PROSER1: variants seen among roughly 807,000 people sequenced by gnomAD.
The protein encoded by PROSER1 is proline and serine rich 1, also known as proline and serine-rich protein 1.
A neutral mutation model predicts 71.8 loss-of-function variants in PROSER1; 36 were observed. That is an observed-to-expected ratio of 0.50 (90% CI 0.38 to 0.66). The LOEUF (loss-of-function observed/expected upper bound fraction) is 0.66. PROSER1 is among the 30% of genes least tolerant of loss of function. The pLI, the probability that PROSER1 is intolerant of heterozygous loss-of-function variation, is 0.00. For synonymous variants in PROSER1, 490 were observed against 452.4 expected, an observed-to-expected ratio of 1.08 and a Z score of -1.06; for missense variants, 1,107 against 1,135.0, an observed-to-expected ratio of 0.98 and a Z score of 0.35.
chr13:39,032,652 A>T (rs533120915), intron 2 of PROSER1, among the ~76,000 whole-genome samples: 1 of 152,308 alleles, frequency 6.6e-6, no homozygotes, highest in South Asian at 2.1e-4. Flanking sequence ...AGTTAATTTG[A>T]TAAACGTCTA....
In PROSER1 at chr13:39,013,962, T is replaced by C; in HGVS notation, c.1290A>G (p.Ala430=). 6.2e-7 allele frequency: 1 copy of C among 1,614,104 alleles called. No individual in the cohort carries two copies. Among genetic ancestry groups the C allele is most frequent in the Non-Finnish European group, 8.5e-7 (1 of 1,180,010 alleles). The change falls in exon 11 of 13, where the codon GCA becomes GCG. Residue 430 remains alanine (A), a synonymous_variant. Transcript: ENST00000352251. ...TTGGTGGTAAGGGCAAAGGGAGCCC[T>C]GCAAAAACTGATGACAATGAAGCAG... ...PNSASLSSVF[A]GLPLPLPPTS...
At position 39,011,101 on chromosome 13, in the gene PROSER1, T is replaced by C. The variant is rs1869622557; in HGVS notation, c.*264A>G. The C allele has an allele frequency of 8.0e-6, 3 of 376,674 alleles. No individual in the cohort carries two copies. The highest frequency in any genetic ancestry group is 6.3e-5 in the African/African-American group (3 of 47,482). 23.3% of individuals were successfully genotyped at this position (376,674 alleles called of 1,614,324 possible). A position where few individuals can be genotyped will look rare whatever the true frequency, so the allele number is the denominator to read the frequency against. ...TTTCTATGTAGATCACATACACAAT[T>C]CAAAATTTTATAGGACAGGTGAAAA... On this transcript the variant is annotated 3_prime_UTR_variant, in exon 13 of 13. Coordinates refer to ENST00000352251, the MANE Select transcript of PROSER1 (RefSeq NM_025138.5).
rs1593524717 is a variant in PROSER1, at chr13:39,013,005, T to C, written c.2247A>G (p.Ser749=). 6.2e-7 allele frequency: 1 copy of C among 1,613,934 alleles called. No individual in the cohort carries two copies. Among genetic ancestry groups the C allele is most frequent in the African/African-American group, 1.3e-5 (1 of 74,894 alleles). ...PHPSSTAAVL[S]GLSASAPVSA... Reference sequence around the variant, plus strand: ...AGACTGGTGCTGAAGCAGAAAGCCCTGAGAGAACAGCTGCCGTTGAGCTAG... The same window carrying C: ...AGACTGGTGCTGAAGCAGAAAGCCCCGAGAGAACAGCTGCCGTTGAGCTAG... Residue 749 remains serine, a synonymous_variant, in exon 11 of 13, where the codon TCA becomes TCG. Transcript: ENST00000352251.
At chr13:39,020,347 A>G (rs1025534694) in intron 9 of PROSER1, among the ~76,000 whole-genome samples, 7 of 152,172 alleles carry the variant, frequency 4.6e-5, no homozygotes, top group African/African-American at 1.7e-4. Context: ...TTCTGAAATT[A>G]CTATATAGCT....
rs536506953 is a variant in PROSER1 at position 39,014,121 on chromosome 13, T to TGCGGTAGGAGTG, written c.1119_1130dup (p.Thr374_Ala377dup). On this transcript the variant is annotated inframe_insertion, in exon 11 of 13. Transcript: ENST00000352251. ...GTGTAGGTCCTGGGGTAGGAGTGGC[T>TGCGGTAGGAGTG]GCGGTAGGAGTGGCAGAAGGACCTG... The TGCGGTAGGAGTG allele has an allele frequency of 3.3e-4, 534 of 1,613,014 alleles. 4 individuals carry two copies. The East Asian group carries it at 0.011, about 32-fold the overall frequency.
chr13:39,028,310 CAAT>C lies in PROSER1; in HGVS notation c.283_285del (p.Ile95del). On this transcript the variant is annotated inframe_deletion, in exon 5 of 13. Transcript: ENST00000352251. ...TCAATAGGACGAGAATTCTGTGCAT[CAAT>C]AATGTTCCTACCAAGAAAACACAAT... 1.3e-6 allele frequency: 2 copies of C among 1,582,634 alleles called. No homozygotes were observed. The highest frequency in any genetic ancestry group is 1.7e-6 in the Non-Finnish European group (2 of 1,152,864).
intron 10 of PROSER1, among the ~76,000 whole-genome samples, chr13:39,016,329 C>T (rs1461611302): frequency 6.6e-6 from 1 of 152,170 alleles, no homozygotes; most frequent in African/African-American, 2.4e-5. Context: ...CCTCATTTGA[C>T]AGATGGGCAA....
Position 39,029,554 on chromosome 13 carries a change from C to T in PROSER1, c.181-179G>A, listed in dbSNP as rs1870733451. ...TAACAATAAATGAATTATGCTCTAT[C>T]AACGTAACCATTTCAGTTGAAGATC... On this transcript the variant is annotated intron_variant, in intron 3 of 12. Coordinates refer to ENST00000352251, the MANE Select transcript of PROSER1 (RefSeq NM_025138.5). Among the ~76,000 whole-genome samples the T allele has an allele frequency of 2.6e-5, 4 of 152,074 alleles. No individual in the cohort carries two copies. The South Asian group carries it at 8.3e-4, about 32-fold the overall frequency.
intron 1 of PROSER1, 73 bp from the exon 2 acceptor site, chr13:39,034,269 T>C: frequency 1.6e-6 from 2 of 1,249,998 alleles, no homozygotes; most frequent in African/African-American, 1.6e-5. Context: ...AATATACATC[T>C]ATCAAAACTG....
intron 1 of PROSER1, 104 bp downstream of exon 1, chr13:39,037,094 A>C: frequency 3.6e-6 from 3 of 844,466 alleles, no homozygotes; most frequent in Non-Finnish European, 6.0e-6. Context: ...CAATTTGGCA[A>C]TCCTAGGACC....
intron 2 of PROSER1, among the ~76,000 whole-genome samples, chr13:39,032,167 A>G (rs1870876710): frequency 6.6e-6 from 1 of 152,084 alleles, no homozygotes; most frequent in African/African-American, 2.4e-5. Flanking sequence ...CACTAACTTT[A>G]GTCCTAGTAG....
intron 9 of PROSER1, among the ~76,000 whole-genome samples, chr13:39,018,203 C>T (rs1044359046): frequency 7.2e-5 from 11 of 152,186 alleles, no homozygotes; most frequent in African/African-American, 2.4e-4. Flanking sequence ...CAACCCAAAG[C>T]ACACTCCTCA....
At chr13:39,019,916 A>G (rs1870207942) in intron 9 of PROSER1, among the ~76,000 whole-genome samples, 1 of 152,038 alleles carries the variant, frequency 6.6e-6, no homozygotes, top group South Asian at 2.1e-4. Context: ...TAGGGGAAAA[A>G]AGTTTAAAAT....
intron 5 of PROSER1, among the ~76,000 whole-genome samples, chr13:39,027,600 T>C (rs1870607384): frequency 6.6e-6 from 1 of 152,186 alleles, no homozygotes; most frequent in African/African-American, 2.4e-5. Context: ...TCTACAACAA[T>C]GTATGACTAA....
In PROSER1 at chr13:39,014,085, A is replaced by G; in HGVS notation, c.1167T>C (p.Thr389=). The G allele has an allele frequency of 6.2e-7, 1 of 1,614,194 alleles. No homozygotes were observed. The highest frequency in any genetic ancestry group is 8.5e-7 in the Non-Finnish European group (1 of 1,180,032). The change falls in exon 11 of 13, where the codon ACT becomes ACC. Residue 389 remains threonine, a synonymous_variant. Transcript: ENST00000352251. ...AAGCAAATGCTTCACTGGAACCAAG[A>G]GTGGACCGTGGTGTAGGTCCTGGGG... ...TPTPGPTPRS[T]LGSSEAFAST...
At chr13:39,029,220 TA>T in intron 4 of PROSER1, 60 bp downstream of exon 4, 1 of 963,940 alleles carries the variant, frequency 1.0e-6, no homozygotes, top group South Asian at 1.6e-5. Context: ...ATTAGACACT[TA>T]AAACGCTTCT....
intron 4 of PROSER1, 29 bp downstream of exon 4, chr13:39,029,252 A>T (rs563030499): frequency 0.083 from 83,434 of 1,002,914 alleles, 2,293 homozygotes; most frequent in African/African-American, 0.21. Context: ...CCAAGTAAAA[A>T]AAAAAAAAAA....
At position 39,011,201 on chromosome 13, in the gene PROSER1, C is replaced by A. The variant is rs1402644737; in HGVS notation, c.*164G>T. ...ATATTTACATAGGGGAGTGTTCACACTTTAAAATGCAACCACAATTTTCAA... is the reference window on the plus strand; with the variant it reads ...ATATTTACATAGGGGAGTGTTCACAATTTAAAATGCAACCACAATTTTCAA... On this transcript the variant is annotated 3_prime_UTR_variant, in exon 13 of 13. Transcript: ENST00000352251. 2.0e-5 allele frequency: 14 copies of A among 697,506 alleles called. No homozygotes were observed. Among genetic ancestry groups the A allele is most frequent in the Middle Eastern group, 3.2e-4 (1 of 3,082 alleles). 43.2% of individuals were successfully genotyped at this position (697,506 alleles called of 1,614,324 possible).
At chr13:39,031,502 C>T in intron 3 of PROSER1, 61 bp downstream of exon 3, 1 of 1,207,910 alleles carries the variant, frequency 8.3e-7, no homozygotes, top group Admixed American at 2.0e-5. Flanking sequence ...AAATTACACA[C>T]AACTGGGAGA....
Sources: gnomAD v4.1 joint callset for allele counts (sites outside exome capture counted in the v4.1 genomes callset) on GRCh38, gnomAD v4.1.1 for gene constraint, MANE v1.5 for transcripts, NCBI Gene and HGNC (gene_info 2026-07-23, HGNC 2026-07-21) for gene names.